The following SCHIP1 variants were observed in gnomAD, a reference collection of about 807,000 sequenced individuals.
SCHIP1 encodes the protein schwannomin-interacting protein 1.
In SCHIP1, 8 loss-of-function variants were observed where a neutral mutation model predicts 29.7. The observed-to-expected ratio is 0.27, with a 90% CI of 0.16 to 0.49. SCHIP1 has a LOEUF of 0.49. SCHIP1 is among the 20% of genes least tolerant of loss of function. The pLI is 0.99. For missense variants in SCHIP1, 193 were observed against 294.6 expected, an observed-to-expected ratio of 0.66 and a Z score of 2.52; for synonymous variants, 76 against 94.9, an observed-to-expected ratio of 0.80 and a Z score of 1.16.
chr3:159,407,794 A>G, the SCHIP1 span, among the ~76,000 whole-genome samples: 431 of 152,342 alleles, frequency 2.8e-3, 3 homozygotes, highest in African/African-American at 9.8e-3. Flanking sequence ...CAGTTGGTCA[A>G]TGAAGAAATT....
the SCHIP1 span, among the ~76,000 whole-genome samples, chr3:159,328,479 A>G: frequency 6.6e-6 from 1 of 152,220 alleles, no homozygotes; most frequent in African/African-American, 2.4e-5. Flanking sequence ...ATGAAGGAAG[A>G]ACAGCTTTTC....
the SCHIP1 span, among the ~76,000 whole-genome samples, chr3:159,416,566 TG>T: frequency 6.6e-6 from 1 of 152,234 alleles, no homozygotes; most frequent in South Asian, 2.1e-4. Context: ...TTTATTCTAC[TG>T]GAAGGAAATC....
At chr3:159,698,346 T>C in the SCHIP1 span, among the ~76,000 whole-genome samples, 5 of 152,244 alleles carry the variant, frequency 3.3e-5, no homozygotes, top group Admixed American at 3.3e-4. Context: ...AATAAATTTT[T>C]GTTGATTCTT....
At chr3:159,488,192 G>A in the SCHIP1 span, among the ~76,000 whole-genome samples, 1 of 152,112 alleles carries the variant, frequency 6.6e-6, no homozygotes, top group African/African-American at 2.4e-5. Flanking sequence ...GCTGGGAAGT[G>A]TAGTGGTGGG....
chr3:159,783,116 C>A, the SCHIP1 span, among the ~76,000 whole-genome samples: 1 of 152,224 alleles, frequency 6.6e-6, no homozygotes, highest in Non-Finnish European at 1.5e-5. Context: ...TGCTCAGTAG[C>A]TGCACTCTGC....
chr3:159,449,619 A>G, the SCHIP1 span, among the ~76,000 whole-genome samples: 1 of 152,222 alleles, frequency 6.6e-6, no homozygotes, highest in Non-Finnish European at 1.5e-5. Context: ...ATAAAATAAT[A>G]AACACAGGGA....
At chr3:159,317,972 C>T in the SCHIP1 span, among the ~76,000 whole-genome samples, 4 of 152,142 alleles carry the variant, frequency 2.6e-5, no homozygotes, top group Non-Finnish European at 4.4e-5. Context: ...GGTGCCATAT[C>T]GAGGGTTCAG....
the SCHIP1 span, among the ~76,000 whole-genome samples, chr3:159,408,400 TA>T: frequency 1.4e-4 from 21 of 147,716 alleles, no homozygotes; most frequent in East Asian, 3.9e-4. Flanking sequence ...TTTGCAATGA[TA>T]AAAAAAAAAG....
the SCHIP1 span, among the ~76,000 whole-genome samples, chr3:159,336,454 C>A: frequency 6.6e-6 from 1 of 152,256 alleles, no homozygotes; most frequent in South Asian, 2.1e-4. Context: ...CCTAGGTTTT[C>A]TTCTAGGGTT....
the SCHIP1 span, among the ~76,000 whole-genome samples, chr3:159,407,957 G>A: frequency 6.6e-6 from 1 of 152,056 alleles, no homozygotes; most frequent in African/African-American, 2.4e-5. Context: ...ACAACTTAAC[G>A]ATGCATCAAA....
chr3:159,875,559 A>C (rs1168030421), intron 2 of SCHIP1, among the ~76,000 whole-genome samples: 3 of 152,200 alleles, frequency 2.0e-5, no homozygotes, highest in Non-Finnish European at 4.4e-5. Flanking sequence ...TGATGACTTT[A>C]TTACTGTAGT....
At chr3:159,566,529 A>G in the SCHIP1 span, among the ~76,000 whole-genome samples, 2 of 152,224 alleles carry the variant, frequency 1.3e-5, no homozygotes, top group Non-Finnish European at 2.9e-5. Flanking sequence ...TGTAAAAGAA[A>G]GTGAAATTGG....
the SCHIP1 span, among the ~76,000 whole-genome samples, chr3:159,659,575 C>T: frequency 1.6e-4 from 24 of 152,282 alleles, no homozygotes; most frequent in Non-Finnish European, 2.5e-4. Context: ...GGATTGCTTA[C>T]GACAGCTCCC....
the SCHIP1 span, among the ~76,000 whole-genome samples, chr3:159,432,339 T>TGTGA: frequency 4.5e-4 from 31 of 69,368 alleles, no homozygotes; most frequent in Non-Finnish European, 6.1e-4. Context: ...TGTGTGTGTG[T>TGTGA]GAGAGAGAGA....
At chr3:159,726,986 G>A in the SCHIP1 span, among the ~76,000 whole-genome samples, 1 of 152,152 alleles carries the variant, frequency 6.6e-6, no homozygotes, top group Admixed American at 6.6e-5. Flanking sequence ...GGAAACATAG[G>A]AGAGGAAGCT....
chr3:159,351,081 A>G, the SCHIP1 span, among the ~76,000 whole-genome samples: 2 of 152,322 alleles, frequency 1.3e-5, no homozygotes, highest in East Asian at 3.9e-4. Context: ...AGCTCTTTAG[A>G]GACCCAAGAT....
chr3:159,355,790 A>T, the SCHIP1 span, among the ~76,000 whole-genome samples: 1 of 152,132 alleles, frequency 6.6e-6, no homozygotes, highest in East Asian at 1.9e-4. Flanking sequence ...GGACAATTTA[A>T]ATTGAAATTT....
At chr3:159,829,806 T>G in the SCHIP1 span, among the ~76,000 whole-genome samples, 2 of 152,238 alleles carry the variant, frequency 1.3e-5, no homozygotes, top group African/African-American at 4.8e-5. Flanking sequence ...CAGGCACATC[T>G]GTTTGGCACA....
At chr3:159,888,010 C>A in intron 4 of SCHIP1, 105 bp downstream of exon 5, 2 of 1,461,330 alleles carry the variant, frequency 1.4e-6, no homozygotes, top group Non-Finnish European at 1.8e-6. Context: ...TTCTCTAAGG[C>A]GGTTTGTAAA....
Sources: allele counts gnomAD v4.1 joint callset (sites outside exome capture counted in the v4.1 genomes callset), GRCh38; gene constraint gnomAD v4.1.1; transcripts MANE v1.5; gene names NCBI Gene and HGNC (gene_info 2026-07-23, HGNC 2026-07-21).